The following SPATA13 variants were observed in gnomAD, a reference collection of about 807,000 sequenced individuals.
SPATA13 encodes the protein spermatogenesis-associated protein 13.
SPATA13 carries 50 observed loss-of-function variants against 104.0 expected under a neutral mutation model. The ratio of observed to expected loss-of-function variants is 0.48; its 90% CI spans 0.38 to 0.61. The LOEUF is 0.61. Among genes scored for constraint, SPATA13 ranks in the 20% least tolerant of loss-of-function variants. The pLI is 0.00. For synonymous variants in SPATA13, 606 were observed against 667.5 expected (o/e 0.91, Z 1.42); for missense variants, 1,524 against 1,690.6 (o/e 0.90, Z 1.73).
Position 24,303,295 on chromosome 13 carries a change from C to A in SPATA13, c.*522C>A. 7.9e-6 allele frequency: 3 copies of A among 379,356 alleles called. No homozygotes were observed. Among genetic ancestry groups the A allele is most frequent in the South Asian group, 5.9e-5 (3 of 50,690 alleles). 23.5% of individuals were successfully genotyped at this position (379,356 alleles called of 1,614,324 possible). ...TTCTGTAATACTGGGGGACCTACAG[C>A]TGCCGTGGGGCTGACCACGGTGTTC... On this transcript the variant is annotated 3_prime_UTR_variant, in exon 13 of 13. Coordinates refer to ENST00000382108, the MANE Select transcript of SPATA13 (RefSeq NM_001166271.3).
intron 1 of SPATA13, among the ~76,000 whole-genome samples, chr13:24,193,341 G>T (rs1869877307): frequency 6.6e-6 from 1 of 152,184 alleles, no homozygotes; most frequent in African/African-American, 2.4e-5. Context: ...AAAGGCCAGT[G>T]TTGGAGGAAC....
chr13:24,126,525 G>A (rs553571121), intron 3 of SPATA13, among the ~76,000 whole-genome samples: 10 of 152,056 alleles, frequency 6.6e-5, no homozygotes, highest in South Asian at 2.1e-4. Context: ...AAGCATTTAC[G>A]TATATATATT....
intron 3 of SPATA13, among the ~76,000 whole-genome samples, chr13:24,127,962 A>G (rs1285111979): frequency 6.6e-6 from 1 of 152,262 alleles, no homozygotes; most frequent in African/African-American, 2.4e-5. Context: ...CAGCATTTAC[A>G]GTAAATGACA....
At chr13:24,188,691 G>C (rs1869312598) in intron 1 of SPATA13, among the ~76,000 whole-genome samples, 1 of 152,188 alleles carries the variant, frequency 6.6e-6, no homozygotes, top group Non-Finnish European at 1.5e-5. Flanking sequence ...AATTGATGAA[G>C]ATGATGACAC....
chr13:24,123,598 A>G lies in SPATA13; in HGVS notation c.-111-99221A>G, dbSNP rs1881114134. 4 of 1,608,412 alleles carry G rather than the reference A, an allele frequency of 2.5e-6. No homozygotes were observed. The Admixed American group carries it at 6.7e-5, about 27-fold the overall frequency. On this transcript the variant is annotated intron_variant, in intron 3 of 14. Transcript: ENST00000424834. ...TGCAGTACCTCTTTCCTCTTACTAC[A>G]GGCTGTAAACAAAAGTGTCTGGGCA...
intron 2 of SPATA13, among the ~76,000 whole-genome samples, chr13:24,235,581 G>C (rs549898577): frequency 1.3e-5 from 2 of 152,282 alleles, no homozygotes; most frequent in South Asian, 4.1e-4. Context: ...ACAGCATAGT[G>C]AGACCTTGTC....
intron 1 of SPATA13, among the ~76,000 whole-genome samples, chr13:24,196,706 T>C (rs1870075985): frequency 6.6e-6 from 1 of 152,168 alleles, no homozygotes; most frequent in Non-Finnish European, 1.5e-5. Context: ...ACCACTGCAT[T>C]GTAGCCTGGA....
chr13:24,085,521 G>T (rs746705834), intron 3 of SPATA13, among the ~76,000 whole-genome samples: 6 of 152,184 alleles, frequency 3.9e-5, no homozygotes, highest in African/African-American at 7.2e-5. Context: ...ACAGCTGCAG[G>T]AACTGGGGTG....
chr13:24,226,504 C>T (rs7327669), intron 2 of SPATA13, among the ~76,000 whole-genome samples: 36,857 of 152,192 alleles, frequency 0.24, 5,148 homozygotes, highest in South Asian at 0.34. Context: ...TTCTATCAAA[C>T]ATCTTTATAA....
intron 1 of SPATA13, among the ~76,000 whole-genome samples, chr13:24,187,254 T>A (rs916671627): frequency 7.9e-5 from 12 of 152,070 alleles, no homozygotes; most frequent in African/African-American, 2.2e-4. Context: ...GTTGCAGTCA[T>A]CCCTGCCTCA....
At chr13:24,053,034 G>A (rs1878416454) in intron 3 of SPATA13, among the ~76,000 whole-genome samples, 1 of 150,992 alleles carries the variant, frequency 6.6e-6, no homozygotes, top group African/African-American at 2.4e-5. Flanking sequence ...GCTGCTCTTT[G>A]GGCTGAAAAA....
chr13:24,154,557 G>A (rs1882203502), intron 3 of SPATA13, among the ~76,000 whole-genome samples: 1 of 152,210 alleles, frequency 6.6e-6, no homozygotes, highest in South Asian at 2.1e-4. Context: ...GGAGTCTTTT[G>A]AGGCGCTAGA....
intron 1 of SPATA13, among the ~76,000 whole-genome samples, chr13:24,170,953 T>C (rs1265893679): frequency 6.6e-6 from 1 of 152,022 alleles, no homozygotes; most frequent in East Asian, 1.9e-4. Flanking sequence ...CAGTTACACT[T>C]GCATGGTTAT....
chr13:24,222,773 A>G (rs1871666539), intron 1 of SPATA13, 46 bp from the exon 2 acceptor site: 1 of 1,461,464 alleles, frequency 6.8e-7, no homozygotes, highest in Non-Finnish European at 9.2e-7. Context: ...CAGAGGGGCT[A>G]CTGCGTGGGA....
intron 1 of SPATA13, among the ~76,000 whole-genome samples, chr13:24,182,834 T>A (rs540845965): frequency 3.3e-5 from 5 of 152,272 alleles, no homozygotes; most frequent in African/African-American, 9.6e-5. Flanking sequence ...TTAGAAAAAC[T>A]CAGCATGTTG....
chr13:24,248,932 T>C (rs1407968405), intron 2 of SPATA13, among the ~76,000 whole-genome samples: 1 of 150,478 alleles, frequency 6.6e-6, no homozygotes, highest in Non-Finnish European at 1.5e-5. Context: ...CAGGCTGGAG[T>C]GTGGTGGTGC....
At chr13:24,070,834 C>G (rs1879133840) in intron 3 of SPATA13, among the ~76,000 whole-genome samples, 1 of 152,028 alleles carries the variant, frequency 6.6e-6, no homozygotes, top group Non-Finnish European at 1.5e-5. Flanking sequence ...CCTTCCGACT[C>G]AAACCAAAAT....
chr13:24,114,674 T>A (rs1048538860), intron 3 of SPATA13, among the ~76,000 whole-genome samples: 127 of 152,156 alleles, frequency 8.3e-4, no homozygotes, highest in African/African-American at 2.9e-3. Context: ...TTGTTTTTGT[T>A]GTTTTGAGAT....
chr13:24,209,302 C>CTTTAA (rs1870886181), intron 1 of SPATA13, among the ~76,000 whole-genome samples: 1 of 152,158 alleles, frequency 6.6e-6, no homozygotes, highest in South Asian at 2.1e-4. Flanking sequence ...AGGTGTAAGA[C>CTTTAA]TTTAATTTCA....
Sources: allele counts gnomAD v4.1 joint callset (sites outside exome capture counted in the v4.1 genomes callset), GRCh38; gene constraint gnomAD v4.1.1; transcripts MANE v1.5; gene names NCBI Gene and HGNC (gene_info 2026-07-23, HGNC 2026-07-21).